PTPRT: variants seen among roughly 807,000 people sequenced by gnomAD.
PTPRT encodes receptor-type tyrosine-protein phosphatase T.
In PTPRT, 56 loss-of-function variants were observed where a neutral mutation model predicts 176.8. The observed-to-expected ratio is 0.32, with a 90% confidence interval of 0.26 to 0.40. The LOEUF (loss-of-function observed/expected upper bound fraction) is 0.40. Ranked by LOEUF, PTPRT falls within the 10% of genes least tolerant of loss-of-function variation. PTPRT has a pLI of 1.00. For missense variants in PTPRT, 1,540 were observed against 1,908.2 expected (o/e 0.81, Z 3.60); for synonymous variants, 783 against 739.0 (o/e 1.06, Z -0.96).
In PTPRT at chr20:42,221,531, CT is replaced by C. The variant is rs35552146; in HGVS notation, c.2342+14697del. Among the ~76,000 whole-genome samples the C allele has an allele frequency of 6.2e-3, 902 of 146,432 alleles. 7 individuals carry two copies. Among genetic ancestry groups the C allele is most frequent in the Admixed American group, 0.014 (203 of 14,706 alleles). On this transcript the variant is annotated intron_variant, in intron 15 of 30. Transcript: ENST00000373187. ...AGACAGCATGCAAGGGAAACTGCCA[CT>C]TTTTTTTTTTTTGAGACAGAGTCTT...
intron 1 of PTPRT, among the ~76,000 whole-genome samples, chr20:42,910,829 T>C (rs746705206): frequency 1.3e-5 from 2 of 152,208 alleles, no homozygotes; most frequent in Non-Finnish European, 2.9e-5. Flanking sequence ...ATGGGTAATT[T>C]ATAAAGGACA....
At chr20:43,145,072 A>G (rs1302765547) in intron 1 of PTPRT, among the ~76,000 whole-genome samples, 1 of 152,138 alleles carries the variant, frequency 6.6e-6, no homozygotes, top group Non-Finnish European at 1.5e-5. Flanking sequence ...CTCTGCTTCT[A>G]ATGAAACACT....
chr20:42,216,187 A>C (rs1347542318), intron 15 of PTPRT, among the ~76,000 whole-genome samples: 4 of 152,142 alleles, frequency 2.6e-5, no homozygotes, highest in South Asian at 2.1e-4. Flanking sequence ...TCACCAGCTC[A>C]CAACTGCCTC....
intron 13 of PTPRT, among the ~76,000 whole-genome samples, chr20:42,261,344 T>C (rs2056745722): frequency 6.6e-6 from 1 of 152,178 alleles, no homozygotes; most frequent in South Asian, 2.1e-4. Context: ...ACCGGGCATA[T>C]TGGATTAGTG....
intron 6 of PTPRT, among the ~76,000 whole-genome samples, chr20:42,697,877 C>CCT: frequency 6.6e-6 from 1 of 152,326 alleles, no homozygotes; most frequent in Admixed American, 6.5e-5. Context: ...ACAAAGTTCT[C>CCT]TTAAAATTCT....
chr20:42,918,919 T>A (rs1396883074), intron 1 of PTPRT, among the ~76,000 whole-genome samples: 1 of 152,056 alleles, frequency 6.6e-6, no homozygotes, highest in Non-Finnish European at 1.5e-5. Context: ...TTTCCACTCC[T>A]CAACACCAGA....
At chr20:43,041,034 C>A (rs1303233257) in intron 1 of PTPRT, among the ~76,000 whole-genome samples, 1 of 152,246 alleles carries the variant, frequency 6.6e-6, no homozygotes, top group Non-Finnish European at 1.5e-5. Flanking sequence ...CCCAGACCTA[C>A]TAAATCAGAA....
At chr20:42,447,596 C>G (rs933101769) in intron 9 of PTPRT, among the ~76,000 whole-genome samples, 3 of 152,078 alleles carry the variant, frequency 2.0e-5, no homozygotes, top group African/African-American at 7.2e-5. Context: ...AACTTTCATA[C>G]AGTTTGTCTT....
At chr20:42,862,905 C>A (rs937311011) in intron 2 of PTPRT, among the ~76,000 whole-genome samples, 3 of 152,148 alleles carry the variant, frequency 2.0e-5, no homozygotes, top group African/African-American at 7.2e-5. Flanking sequence ...TTGGGCCCAG[C>A]TGTTCTTCAA....
intron 7 of PTPRT, among the ~76,000 whole-genome samples, chr20:42,561,819 C>T (rs964777396): frequency 2.6e-5 from 4 of 152,220 alleles, no homozygotes; most frequent in African/African-American, 7.2e-5. Flanking sequence ...GTTTCTGCCT[C>T]AGTTTCCACA....
In PTPRT at chr20:42,211,485, A is replaced by C. The variant is rs879274232; in HGVS notation, c.2343-12097T>G. ...AACAACCCCGTCAAAAAGTGGGCGA[A>C]GGACATGAACAGACACTTCTCAAAA... On this transcript the variant is annotated intron_variant, in intron 15 of 30. Coordinates refer to ENST00000373187, the MANE Select transcript of PTPRT (RefSeq NM_007050.6). Among the ~76,000 whole-genome samples the C allele has an allele frequency of 4.6e-3, 689 of 151,256 alleles. 5 individuals are homozygous for C. The highest frequency in any genetic ancestry group is 5.4e-3 in the Non-Finnish European group (367 of 67,598).
At chr20:42,250,516 A>G (rs999961680) in intron 13 of PTPRT, among the ~76,000 whole-genome samples, 1 of 152,082 alleles carries the variant, frequency 6.6e-6, no homozygotes, top group Non-Finnish European at 1.5e-5. Flanking sequence ...GCTTAAGAGC[A>G]TTAAGTGTTT....
chr20:42,513,762 AC>A (rs1445161561), intron 7 of PTPRT, among the ~76,000 whole-genome samples: 1 of 152,008 alleles, frequency 6.6e-6, no homozygotes, highest in Non-Finnish European at 1.5e-5. Context: ...ACATTTCTTT[AC>A]CCCAAGAAAC....
intron 1 of PTPRT, among the ~76,000 whole-genome samples, chr20:43,088,214 A>G (rs963252815): frequency 1.3e-5 from 2 of 152,218 alleles, no homozygotes; most frequent in Admixed American, 1.3e-4. Context: ...CTGCAATCTG[A>G]TCAGTAGTCA....
At chr20:42,741,468 C>T (rs1166083980) in intron 6 of PTPRT, among the ~76,000 whole-genome samples, 1 of 152,070 alleles carries the variant, frequency 6.6e-6, no homozygotes, top group African/African-American at 2.4e-5. Context: ...CCTCAGTATC[C>T]CGAGTAGTTG....
intron 6 of PTPRT, among the ~76,000 whole-genome samples, chr20:42,753,407 A>T (rs1237699218): frequency 1.3e-5 from 2 of 152,210 alleles, no homozygotes; most frequent in Non-Finnish European, 2.9e-5. Flanking sequence ...CACCATCATA[A>T]TATTTAAATG....
intron 1 of PTPRT, among the ~76,000 whole-genome samples, chr20:43,115,055 T>C (rs974734448): frequency 2.6e-5 from 4 of 152,168 alleles, no homozygotes; most frequent in Admixed American, 1.3e-4. Flanking sequence ...ATTGCATATA[T>C]AGATGTGTGG....
chr20:42,048,131 A>T, the PTPRT span, among the ~76,000 whole-genome samples: 1 of 152,148 alleles, frequency 6.6e-6, no homozygotes, highest in Non-Finnish European at 1.5e-5. Context: ...GGCTAGTCAC[A>T]CTCTGAAGGA....
intron 2 of PTPRT, among the ~76,000 whole-genome samples, chr20:42,853,990 ATATATGT>A (rs2078520090): frequency 6.6e-6 from 1 of 152,188 alleles, no homozygotes. Flanking sequence ...ATCAAATCAC[ATATATGT>A]CTAGATCTGT....
Sources: gnomAD v4.1 joint callset for allele counts (sites outside exome capture counted in the v4.1 genomes callset) on GRCh38, gnomAD v4.1.1 for gene constraint, MANE v1.5 for transcripts, NCBI Gene and HGNC (gene_info 2026-07-23, HGNC 2026-07-21) for gene names.